DPRX: variants seen among roughly 807,000 people sequenced by gnomAD.
The protein encoded by DPRX is divergent paired-related homeobox.
A neutral mutation model predicts 8.4 loss-of-function variants in DPRX; 11 were observed. The observed-to-expected ratio is 1.31, with a 90% CI of 0.82 to 2.17. DPRX has a LOEUF of 2.17. Ranked by LOEUF, DPRX falls within the 30% of genes most tolerant of loss-of-function variation. The pLI is 0.00. For synonymous variants in DPRX, 72 were observed against 87.0 expected (o/e 0.83, Z 0.96); for missense variants, 211 against 236.7 (o/e 0.89, Z 0.71).
At chr19:53,602,547 T>C in the DPRX span, among the ~76,000 whole-genome samples, 20 of 151,160 alleles carry the variant, frequency 1.3e-4, no homozygotes, top group South Asian at 4.0e-3. Context: ...TTTTTTTTTT[T>C]TTTTGAGAAA....
Position 53,634,299 on chromosome 19 carries a change from C to T in DPRX, c.29-232C>T, listed in dbSNP as rs140195702. ...TACAAAAATTATCCGGGCATGGTGG[C>T]GTGCGCCTGTAATCCCAGCTACTCG... is the stretch of plus-strand genomic sequence containing the variant. On this transcript the variant is annotated intron_variant, in intron 1 of 2. Coordinates refer to ENST00000376650, the Ensembl canonical transcript of DPRX. Among the ~76,000 whole-genome samples the T allele has an allele frequency of 5.2e-3, 791 of 152,196 alleles. 9 individuals carry two copies. The highest frequency in any genetic ancestry group is 0.018 in the African/African-American group (751 of 41,534).
At chr19:53,601,684 GT>G in the DPRX span, among the ~76,000 whole-genome samples, 3 of 151,964 alleles carry the variant, frequency 2.0e-5, no homozygotes, top group Non-Finnish European at 2.9e-5. Context: ...ATTTCACCAT[GT>G]TGGTCAGGCT....
At chr19:53,631,089 C>T (rs1331211827), upstream of DPRX, among the ~76,000 whole-genome samples, 9 of 151,856 alleles carry the variant, frequency 5.9e-5, no homozygotes, top group East Asian at 3.9e-4. Context: ...TCAGGTGATC[C>T]GCCTGCCTCA....
chr19:53,608,971 AAAAGGAAAG>A, the DPRX span, among the ~76,000 whole-genome samples: 20 of 116,042 alleles, frequency 1.7e-4, no homozygotes, highest in African/African-American at 6.5e-4. Flanking sequence ...AAAAAAAAAA[AAAAGGAAAG>A]AAAAGAAAGA....
chr19:53,619,690 C>A, the DPRX span, among the ~76,000 whole-genome samples: 1,785 of 107,566 alleles, frequency 0.017, 43 homozygotes, highest in African/African-American at 0.052. Context: ...AAAAAAAAAA[C>A]AAAAAACAGA....
chr19:53,615,283 AT>A, the DPRX span, among the ~76,000 whole-genome samples: 33 of 145,646 alleles, frequency 2.3e-4, no homozygotes, highest in Admixed American at 6.9e-4. Context: ...GATCTGTCTA[AT>A]TTTTTTTTTT....
chr19:53,605,139 C>G, the DPRX span, among the ~76,000 whole-genome samples: 1 of 152,126 alleles, frequency 6.6e-6, no homozygotes, highest in Non-Finnish European at 1.5e-5. Flanking sequence ...CACAGACCCC[C>G]GCCTCTACAA....
At chr19:53,615,565 G>A in the DPRX span, among the ~76,000 whole-genome samples, 6 of 152,134 alleles carry the variant, frequency 3.9e-5, no homozygotes, top group Admixed American at 6.6e-5. Flanking sequence ...ACAGGTGCGA[G>A]CCACTGTGCC....
At chr19:53,621,678 G>C in the DPRX span, among the ~76,000 whole-genome samples, 2 of 152,070 alleles carry the variant, frequency 1.3e-5, no homozygotes, top group African/African-American at 4.8e-5. Context: ...CCAGCTGCTA[G>C]GGAGGTTGAG....
upstream of DPRX, among the ~76,000 whole-genome samples, chr19:53,627,439 C>CTTT (rs1030412694): frequency 3.6e-4 from 24 of 66,246 alleles, no homozygotes; most frequent in South Asian, 1.1e-3. Context: ...TTCTTTCTTT[C>CTTT]TTTTTTTTTT....
the DPRX span, among the ~76,000 whole-genome samples, chr19:53,602,786 G>A: frequency 4.5e-3 from 677 of 150,140 alleles, 5 homozygotes; most frequent in Admixed American, 8.5e-3. Flanking sequence ...ACTCCCCCCC[G>A]GCACCCGGCC....
chr19:53,618,688 ATTTTTT>A, the DPRX span, among the ~76,000 whole-genome samples: 1 of 139,510 alleles, frequency 7.2e-6, no homozygotes, highest in African/African-American at 2.7e-5. Context: ...TTGTCTCCAG[ATTTTTT>A]TTTTTTTGGA....
At chr19:53,610,595 T>G in the DPRX span, among the ~76,000 whole-genome samples, 1 of 148,498 alleles carries the variant, frequency 6.7e-6, no homozygotes, top group Non-Finnish European at 1.5e-5. Flanking sequence ...AAGCTGGAGC[T>G]CTGCCGGGGG....
the DPRX span, among the ~76,000 whole-genome samples, chr19:53,613,561 T>C: frequency 7.7e-4 from 117 of 151,172 alleles, 1 homozygote; most frequent in South Asian, 0.011. Flanking sequence ...GGTTTCACCA[T>C]GTTGGCCAGG....
chr19:53,632,733 G>A (rs373739265), intron 1 of DPRX, among the ~76,000 whole-genome samples: 5 of 152,086 alleles, frequency 3.3e-5, no homozygotes, highest in East Asian at 3.9e-4. Context: ...CATGAGCCTC[G>A]GTGCCCGGCC....
At chr19:53,621,467 T>G in the DPRX span, among the ~76,000 whole-genome samples, 3 of 152,002 alleles carry the variant, frequency 2.0e-5, no homozygotes, top group Admixed American at 2.0e-4. Flanking sequence ...AGTCATTAAG[T>G]CTTGAAGCAA....
chr19:53,627,343 CTTAA>C (rs760721833), upstream of DPRX, among the ~76,000 whole-genome samples: 3 of 151,756 alleles, frequency 2.0e-5, no homozygotes, highest in Admixed American at 6.6e-5. Flanking sequence ...ACTGAGAACA[CTTAA>C]TTAATATACT....
At chr19:53,618,160 GA>G in the DPRX span, among the ~76,000 whole-genome samples, 9 of 149,656 alleles carry the variant, frequency 6.0e-5, no homozygotes, top group East Asian at 1.9e-4. Flanking sequence ...AAAAAAGAAA[GA>G]AAGAAAGAAA....
At chr19:53,618,655 T>G in the DPRX span, among the ~76,000 whole-genome samples, 1 of 143,630 alleles carries the variant, frequency 7.0e-6, no homozygotes, top group Non-Finnish European at 1.5e-5. Flanking sequence ...GACTCAGAGA[T>G]AGAAAAATGG....
Sources: gnomAD v4.1 joint callset for allele counts (sites outside exome capture counted in the v4.1 genomes callset) on GRCh38, gnomAD v4.1.1 for gene constraint, MANE v1.5 for transcripts, NCBI Gene and HGNC (gene_info 2026-07-23, HGNC 2026-07-21) for gene names.